Variants in SOX6 observed in about 807,000 individuals in gnomAD.
SOX6 encodes SRY-box transcription factor 6.
SOX6 carries 11 observed loss-of-function variants against 97.8 expected under a neutral mutation model. That is an observed-to-expected ratio of 0.11 (90% CI 0.07 to 0.19). The LOEUF (loss-of-function observed/expected upper bound fraction) is 0.19, where lower values mean the gene tolerates loss of function less well. SOX6 is among the 10% of genes least tolerant of loss of function. The pLI is 1.00. For missense variants in SOX6, 810 were observed against 1,039.5 expected, an observed-to-expected ratio of 0.78 and a Z score of 3.04; for synonymous variants, 360 against 371.4, an observed-to-expected ratio of 0.97 and a Z score of 0.35.
intron 4 of SOX6, chr11:16,576,717 T>C (rs1446943972): frequency 6.6e-6 from 1 of 152,228 alleles, no homozygotes; most frequent in Non-Finnish European, 1.5e-5. Flanking sequence ...ATAAATATAG[T>C]TCACGTCTCC....
At chr11:16,301,339 G>A (rs1855250836) in intron 3 of SOX6, among the ~76,000 whole-genome samples, 1 of 152,236 alleles carries the variant, frequency 6.6e-6, no homozygotes, top group East Asian at 1.9e-4. Flanking sequence ...GTCAGAAGTC[G>A]ATTTAATGCT....
At chr11:16,693,935 T>C (rs1191913631) in intron 3 of SOX6, among the ~76,000 whole-genome samples, 2 of 152,226 alleles carry the variant, frequency 1.3e-5, no homozygotes, top group African/African-American at 4.8e-5. Flanking sequence ...AAGATAGTTT[T>C]TAGGTCCTAA....
Position 16,468,652 on chromosome 11 carries a change from G to A in SOX6, c.-5+7663C>T, listed in dbSNP as rs11023953. ...GTGAATACAGGATTATGAGGTCATG[G>A]TAAAACATTCAGACAGAATCAATAC... On this transcript the variant is annotated intron_variant, in intron 1 of 15. Transcript: ENST00000396356. Among the ~76,000 whole-genome samples the A allele has an allele frequency of 5.9e-5, 9 of 152,210 alleles. No individual in the cohort carries two copies. In the East Asian group the frequency reaches 1.2e-3, roughly 20 times the overall value.
intron 4 of SOX6, among the ~76,000 whole-genome samples, chr11:16,196,703 G>A (rs897867217): frequency 6.6e-6 from 1 of 151,728 alleles, no homozygotes; most frequent in African/African-American, 2.4e-5. Flanking sequence ...GTTCACTGGT[G>A]CTCAGACTTC....
intron 6 of SOX6, among the ~76,000 whole-genome samples, chr11:16,179,835 T>C (rs1003937455): frequency 3.9e-5 from 6 of 152,000 alleles, no homozygotes; most frequent in African/African-American, 1.2e-4. Context: ...ACTGCCTATA[T>C]AGCTCACAAT....
upstream of SOX6, among the ~76,000 whole-genome samples, chr11:16,480,829 T>C (rs534317582): frequency 6.6e-6 from 1 of 152,282 alleles, no homozygotes; most frequent in Non-Finnish European, 1.5e-5. Context: ...ATCATAGCAC[T>C]GCATGATTAA....
intron 3 of SOX6, among the ~76,000 whole-genome samples, chr11:16,239,076 A>G (rs1853107366): frequency 6.6e-6 from 1 of 152,048 alleles, no homozygotes. Flanking sequence ...TTCATTAGGA[A>G]ACACAGAGTT....
At chr11:16,410,785 GA>G (rs901877841) in intron 1 of SOX6, among the ~76,000 whole-genome samples, 1 of 141,374 alleles carries the variant, frequency 7.1e-6, no homozygotes, top group African/African-American at 2.6e-5. Context: ...AAAAAGATAT[GA>G]ACAAGTATGA....
At chr11:16,298,170 G>A (rs993299081) in intron 3 of SOX6, among the ~76,000 whole-genome samples, 4 of 151,918 alleles carry the variant, frequency 2.6e-5, no homozygotes, top group Non-Finnish European at 4.4e-5. Flanking sequence ...CCATTTATTC[G>A]TTTGGCATTA....
chr11:16,727,484 CAATG>C, intron 2 of SOX6, among the ~76,000 whole-genome samples: 1 of 151,322 alleles, frequency 6.6e-6, no homozygotes, highest in East Asian at 1.9e-4. Context: ...GGCTGGAATG[CAATG>C]GTGTGATCTC....
chr11:16,018,927 G>T (rs16932458), intron 12 of SOX6, among the ~76,000 whole-genome samples: 16,809 of 152,028 alleles, frequency 0.11, 1,973 homozygotes, highest in East Asian at 0.36. Flanking sequence ...TGAAGAAAAC[G>T]GCTAGCAATA....
chr11:16,081,287 A>G (rs1290629167), intron 9 of SOX6, among the ~76,000 whole-genome samples: 2 of 151,994 alleles, frequency 1.3e-5, no homozygotes, highest in African/African-American at 4.8e-5. Flanking sequence ...TGTGGTGTTG[A>G]GAGTCTTAAG....
intron 3 of SOX6, among the ~76,000 whole-genome samples, chr11:16,683,904 C>A (rs1455673008): frequency 1.3e-5 from 2 of 152,150 alleles, no homozygotes; most frequent in Non-Finnish European, 2.9e-5. Context: ...AAACAAACAA[C>A]TCCATCAAAA....
At chr11:16,174,323 T>C (rs12290400) in intron 6 of SOX6, among the ~76,000 whole-genome samples, 72 of 152,088 alleles carry the variant, frequency 4.7e-4, no homozygotes, top group African/African-American at 1.6e-3. Flanking sequence ...ATTCTGACTA[T>C]GAATTCCTTA....
chr11:16,491,230 T>C (rs1860506425), intron 4 of SOX6, among the ~76,000 whole-genome samples: 1 of 152,174 alleles, frequency 6.6e-6, no homozygotes, highest in Non-Finnish European at 1.5e-5. Flanking sequence ...TATATTGCTT[T>C]TCTACATATA....
At chr11:16,692,084 TGTGTGCGCGC>T (rs1370264043) in intron 3 of SOX6, among the ~76,000 whole-genome samples, 33 of 127,966 alleles carry the variant, frequency 2.6e-4, no homozygotes, top group Admixed American at 6.2e-4. Flanking sequence ...TGTGTGTGTG[TGTGTGCGCGC>T]GCGCGCTTTC....
intron 4 of SOX6, among the ~76,000 whole-genome samples, chr11:16,503,095 T>C (rs1173928786): frequency 6.6e-6 from 1 of 151,986 alleles, no homozygotes; most frequent in African/African-American, 2.4e-5. Flanking sequence ...TGCCACTAAA[T>C]ATACAATACC....
At chr11:16,007,437 T>C (rs1224082404) in intron 13 of SOX6, among the ~76,000 whole-genome samples, 8 of 152,042 alleles carry the variant, frequency 5.3e-5, no homozygotes, top group South Asian at 4.1e-4. Flanking sequence ...AAGAACACCT[T>C]GGTTAAGAAA....
rs759081184 is a variant in SOX6 at position 16,427,343 on chromosome 11, A to G, written c.-5+48972T>C. On this transcript the variant is annotated intron_variant, in intron 1 of 15. Transcript: ENST00000396356. The stretch of plus-strand genomic sequence containing the variant: ...CATGCACTTTTCTTTTTTTTTTTTA[A>G]TTATACTTTAAGTTTTAGGGTACAT... Among the ~76,000 whole-genome samples the G allele has an allele frequency of 7.1e-4, 107 of 149,720 alleles. 1 individual carries two copies. Among genetic ancestry groups the G allele is most frequent in the Non-Finnish European group, 1.4e-3 (96 of 67,388 alleles).
Sources: gnomAD v4.1 joint callset for allele counts (sites outside exome capture counted in the v4.1 genomes callset) on GRCh38, gnomAD v4.1.1 for gene constraint, MANE v1.5 for transcripts, NCBI Gene and HGNC (gene_info 2026-07-23, HGNC 2026-07-21) for gene names.